The following VIT variants were observed in gnomAD, a reference collection of about 807,000 sequenced individuals.
VIT encodes vitrin.
Under a neutral mutation model 78.0 loss-of-function variants are expected in VIT, and 99 were observed. The ratio of observed to expected loss-of-function variants is 1.27; its 90% CI spans 1.08 to 1.50. The LOEUF is 1.50. VIT is among the 40% of genes most tolerant of loss of function. The pLI, the probability that VIT is intolerant of heterozygous loss-of-function variation, is 0.00. For synonymous variants in VIT, 374 were observed against 334.3 expected, an observed-to-expected ratio of 1.12 and a Z score of -1.29; for missense variants, 1,126 against 875.3, an observed-to-expected ratio of 1.29 and a Z score of -3.61.
intron 4 of VIT, among the ~76,000 whole-genome samples, chr2:36,747,267 G>A (rs1337401294): frequency 6.6e-6 from 1 of 152,130 alleles, no homozygotes; most frequent in Non-Finnish European, 1.5e-5. Context: ...AGAAGAATGT[G>A]TATCTGTGGT....
intron 7 of VIT, among the ~76,000 whole-genome samples, chr2:36,768,729 G>A (rs1446531596): frequency 6.6e-6 from 1 of 152,108 alleles, no homozygotes; most frequent in African/African-American, 2.4e-5. Flanking sequence ...CCCAGGCCCA[G>A]GCAGAGCACA....
chr2:36,699,622 A>ATAGG (rs60920135), intron 1 of VIT, among the ~76,000 whole-genome samples: 6,999 of 137,146 alleles, frequency 0.051, 193 homozygotes, highest in Middle Eastern at 0.1. Context: ...AGATAGATAT[A>ATAGG]TAGGTAGATA....
Position 36,814,518 on chromosome 2 carries a change from A to G in VIT, c.*157A>G, listed in dbSNP as rs772447383. The G allele has an allele frequency of 4.1e-6, 4 of 966,724 alleles. No homozygotes were observed. The highest frequency in any genetic ancestry group is 5.9e-6 in the Non-Finnish European group (4 of 680,830). The allele number at this position is 966,724 out of a possible 1,614,324, so 59.9% of individuals were successfully genotyped here. ...ATTCTTTGCCATCATGCTTTTTCAT[A>G]TTCCAAAACTTGGAGTTACAAAGAT... On this transcript the variant is annotated 3_prime_UTR_variant, in exon 16 of 16. Coordinates refer to ENST00000379242, the MANE Select transcript of VIT (RefSeq NM_053276.4).
intron 1 of VIT, among the ~76,000 whole-genome samples, chr2:36,713,681 A>G (rs7560717): frequency 0.014 from 2,194 of 152,312 alleles, 53 homozygotes; most frequent in African/African-American, 0.05. Flanking sequence ...AGAAATGGTC[A>G]GTTTCTGGAT....
chr2:36,703,269 A>C (rs563283074), intron 1 of VIT, among the ~76,000 whole-genome samples: 1 of 152,302 alleles, frequency 6.6e-6, no homozygotes, highest in Non-Finnish European at 1.5e-5. Flanking sequence ...AAAACTTCTT[A>C]AAGACAAGTT....
At chr2:36,729,714 C>T (rs7607667) in intron 3 of VIT, among the ~76,000 whole-genome samples, 5 of 152,180 alleles carry the variant, frequency 3.3e-5, no homozygotes, top group African/African-American at 1.2e-4. Flanking sequence ...AGTTCCCCTG[C>T]ACTAGGAAAA....
chr2:36,779,265 C>T (rs1670249139), intron 9 of VIT, among the ~76,000 whole-genome samples: 1 of 152,146 alleles, frequency 6.6e-6, no homozygotes, highest in South Asian at 2.1e-4. Flanking sequence ...AAGTTCTGTT[C>T]TGCCACTCCC....
At chr2:36,780,033 T>A (rs1322060081) in intron 9 of VIT, among the ~76,000 whole-genome samples, 2 of 152,212 alleles carry the variant, frequency 1.3e-5, no homozygotes, top group Non-Finnish European at 2.9e-5. Context: ...TGTTCCTCCT[T>A]GACGCCAGAA....
At position 36,731,892 on chromosome 2, in the gene VIT, AAAAG is replaced by A. The variant is rs1347208559; in HGVS notation, c.118+2407_118+2410del. 1.5e-4 allele frequency among the ~76,000 whole-genome samples: 23 copies of A among 152,248 alleles called. 1 individual carries two copies. Among genetic ancestry groups the A allele is most frequent in the African/African-American group, 5.1e-4 (21 of 41,470 alleles). ...ATCAGCCACATTAATCATTTGAAAT[AAAAG>A]AAAGATTTGCTTCACACAGCCTCCT... is the stretch of plus-strand genomic sequence containing the variant. On this transcript the variant is annotated intron_variant, in intron 3 of 15. Transcript: ENST00000379242.
intron 7 of VIT, among the ~76,000 whole-genome samples, chr2:36,772,570 G>A (rs1669827466): frequency 1.3e-5 from 2 of 151,800 alleles, no homozygotes; most frequent in Non-Finnish European, 2.9e-5. Flanking sequence ...AGCAGAGCAT[G>A]GTGATGTGCA....
intron 1 of VIT, among the ~76,000 whole-genome samples, chr2:36,713,316 AG>A (rs1403046243): frequency 6.6e-6 from 1 of 152,210 alleles, no homozygotes; most frequent in Non-Finnish European, 1.5e-5. Flanking sequence ...AGAGACCCTG[AG>A]GTAAAAGGTG....
At chr2:36,725,285 A>G (rs1666761286) in intron 2 of VIT, among the ~76,000 whole-genome samples, 1 of 152,204 alleles carries the variant, frequency 6.6e-6, no homozygotes, top group Non-Finnish European at 1.5e-5. Flanking sequence ...TCTGCTATAC[A>G]AAACTGCTAT....
intron 7 of VIT, among the ~76,000 whole-genome samples, chr2:36,772,672 AC>A (rs1669833130): frequency 6.6e-6 from 1 of 152,242 alleles, no homozygotes; most frequent in Non-Finnish European, 1.5e-5. Flanking sequence ...ACACCACTGT[AC>A]CCCAGCCTGG....
chr2:36,808,344 G>A (rs1189686804), intron 14 of VIT, 128 bp from the exon 15 acceptor site: 13 of 1,298,582 alleles, frequency 1.0e-5, no homozygotes, highest in Middle Eastern at 2.2e-4. Context: ...GGAAGAACAC[G>A]GTAGGAGGGC....
intron 1 of VIT, among the ~76,000 whole-genome samples, chr2:36,713,896 A>G (rs1191592430): frequency 6.6e-6 from 1 of 152,250 alleles, no homozygotes; most frequent in Non-Finnish European, 1.5e-5. Context: ...CTCAGGCTTG[A>G]AGATACATAA....
At chr2:36,703,993 C>T (rs183280365) in intron 1 of VIT, among the ~76,000 whole-genome samples, 1 of 145,058 alleles carries the variant, frequency 6.9e-6, no homozygotes, top group African/African-American at 2.5e-5. Flanking sequence ...GGCACGATCT[C>T]GGCTCACTAC....
intron 15 of VIT, among the ~76,000 whole-genome samples, chr2:36,810,235 T>C (rs1308051116): frequency 2.6e-5 from 4 of 152,266 alleles, no homozygotes; most frequent in South Asian, 4.1e-4. Context: ...AGTTTGCTGG[T>C]GAGCCGAGAT....
intron 8 of VIT, chr2:36,774,642 G>A (rs1669945917): frequency 1.0e-6 from 1 of 985,452 alleles, no homozygotes. Context: ...CCTCTGGTCA[G>A]GGCGAGCAGC....
chr2:36,794,891 T>C (rs1018239111), intron 12 of VIT, among the ~76,000 whole-genome samples: 3 of 152,210 alleles, frequency 2.0e-5, no homozygotes, highest in African/African-American at 7.2e-5. Flanking sequence ...TATTCATTCA[T>C]TATATGAGTA....
Sources: gnomAD v4.1 joint callset for allele counts (sites outside exome capture counted in the v4.1 genomes callset) on GRCh38, gnomAD v4.1.1 for gene constraint, MANE v1.5 for transcripts, NCBI Gene and HGNC (gene_info 2026-07-23, HGNC 2026-07-21) for gene names.